GSE1: variants seen among roughly 807,000 people sequenced by gnomAD.
GSE1 encodes Gse1 coiled-coil protein.
A neutral mutation model predicts 112.6 loss-of-function variants in GSE1; 32 were observed. The observed-to-expected ratio is 0.28, with a 90% CI of 0.21 to 0.38. GSE1 has a LOEUF of 0.38. GSE1 is among the 10% of genes least tolerant of loss of function. The pLI is 1.00. For synonymous variants in GSE1, 1,115 were observed against 735.6 expected, an observed-to-expected ratio of 1.52 and a Z score of -8.35; for missense variants, 2,348 against 1,699.2, an observed-to-expected ratio of 1.38 and a Z score of -6.71.
intron 1 of GSE1, among the ~76,000 whole-genome samples, chr16:85,589,396 G>A (rs1464919299): frequency 1.3e-5 from 2 of 152,172 alleles, no homozygotes; most frequent in Admixed American, 1.3e-4. Flanking sequence ...TGGGTGGGCA[G>A]GGCCTGGGCT....
At chr16:85,650,382 C>A (rs1225765394) in intron 3 of GSE1, among the ~76,000 whole-genome samples, 3 of 152,182 alleles carry the variant, frequency 2.0e-5, no homozygotes, top group East Asian at 3.9e-4. Flanking sequence ...GGTGCCAGCG[C>A]CCGCAGCTCA....
chr16:85,380,765 C>T (rs933068677), intron 2 of GSE1, among the ~76,000 whole-genome samples: 1 of 152,150 alleles, frequency 6.6e-6, no homozygotes, highest in Admixed American at 6.5e-5. Context: ...CATCATCCAG[C>T]CTCGCAAACA....
chr16:85,278,941 GCAGCC>G (rs2044773708), intron 1 of GSE1: 1 of 157,404 alleles, frequency 6.4e-6, no homozygotes, highest in South Asian at 1.9e-4. Context: ...ACAGAGAGCT[GCAGCC>G]CCCAGAGAGA....
chr16:85,314,991 A>C (rs868330367), intron 1 of GSE1, among the ~76,000 whole-genome samples: 1 of 152,224 alleles, frequency 6.6e-6, no homozygotes, highest in Non-Finnish European at 1.5e-5. Flanking sequence ...AAAACTGGTT[A>C]GTGTTTGCAA....
At chr16:85,364,499 A>G (rs949244090) in intron 2 of GSE1, among the ~76,000 whole-genome samples, 1 of 152,210 alleles carries the variant, frequency 6.6e-6, no homozygotes, top group South Asian at 2.1e-4. Context: ...AGTCAGCTGC[A>G]TTAGTCAGGG....
intron 1 of GSE1, among the ~76,000 whole-genome samples, chr16:85,622,394 T>C (rs959398346): frequency 1.3e-5 from 2 of 152,180 alleles, no homozygotes; most frequent in African/African-American, 2.4e-5. Flanking sequence ...TTCCACCCTG[T>C]ATTTCCTCTG....
At chr16:85,664,910 C>A (rs140022682) in intron 11 of GSE1, 105 bp from the exon 12 acceptor site, 1 of 759,346 alleles carries the variant, frequency 1.3e-6, no homozygotes, top group Non-Finnish European at 2.3e-6. Context: ...GTTTTTCGGG[C>A]TTTAGTGCTT....
intron 2 of GSE1, among the ~76,000 whole-genome samples, chr16:85,445,454 T>A (rs925123434): frequency 1.3e-5 from 2 of 152,114 alleles, no homozygotes; most frequent in Non-Finnish European, 2.9e-5. Context: ...GGGCGGCCAG[T>A]CCCCAGACCC....
At chr16:85,170,299 G>T (rs547245003) in exon 1 of GSE1, 15 of 985,730 alleles carry the variant, frequency 1.5e-5, no homozygotes, top group South Asian at 9.4e-5. Context: ...GCGGAAGGGG[G>T]TTGGGAGGCA....
Position 85,373,014 on chromosome 16 carries a change from G to A in GSE1, c.2464+15371G>A, listed in dbSNP as rs1417086639. Among the ~76,000 whole-genome samples, 1 of 152,252 alleles carries A rather than the reference G, an allele frequency of 6.6e-6. No individual in the cohort carries two copies. The highest frequency in any genetic ancestry group is 2.4e-5 in the African/African-American group (1 of 41,470). ...TACAGGAAGTCCACCGGTTAGGAAAGTGTTCTCTAAACTGTGAGACATGCA... is the reference window on the plus strand; with the variant it reads ...TACAGGAAGTCCACCGGTTAGGAAAATGTTCTCTAAACTGTGAGACATGCA... On this transcript the variant is annotated intron_variant, in intron 2 of 2. Coordinates refer to the GSE1 transcript ENST00000637419. This position sits in a 1 kb window ranked among gnomAD's most constrained non-coding sequence, Gnocchi z 5.1.
At chr16:85,180,369 A>G (rs2074557431) in intron 1 of GSE1, among the ~76,000 whole-genome samples, 1 of 152,304 alleles carries the variant, frequency 6.6e-6, no homozygotes, top group South Asian at 2.1e-4. Flanking sequence ...AAGGTCACCC[A>G]CCGAGGCCAC....
intron 2 of GSE1, among the ~76,000 whole-genome samples, chr16:85,398,159 A>C (rs1470333564): frequency 6.6e-6 from 1 of 152,178 alleles, no homozygotes; most frequent in Non-Finnish European, 1.5e-5. Context: ...CAGTTTCCTC[A>C]TCTGCAAAAT....
intron 1 of GSE1, among the ~76,000 whole-genome samples, chr16:85,187,391 G>A (rs1474390802): frequency 1.3e-5 from 2 of 152,368 alleles, no homozygotes; most frequent in Middle Eastern, 3.4e-3. Context: ...GGGGAGCACC[G>A]GGGCCCCCGC....
intron 2 of GSE1, among the ~76,000 whole-genome samples, chr16:85,379,401 T>C (rs1299587545): frequency 6.6e-6 from 1 of 152,144 alleles, no homozygotes; most frequent in Non-Finnish European, 1.5e-5. Flanking sequence ...TTGTCAGATG[T>C]AGAAGGGAGA....
intron 2 of GSE1, among the ~76,000 whole-genome samples, chr16:85,453,070 T>A (rs1475145284): frequency 6.6e-6 from 1 of 152,194 alleles, no homozygotes; most frequent in Non-Finnish European, 1.5e-5. Context: ...TGATCTTGGA[T>A]AGATGAGTCA....
chr16:85,234,842 G>A (rs915156304), intron 1 of GSE1, among the ~76,000 whole-genome samples: 3 of 152,166 alleles, frequency 2.0e-5, no homozygotes, highest in African/African-American at 7.2e-5. Flanking sequence ...CAGCGAATAC[G>A]GCCCAGCTGG....
chr16:85,522,148 T>G (rs2052206556), intron 2 of GSE1, among the ~76,000 whole-genome samples: 1 of 152,156 alleles, frequency 6.6e-6, no homozygotes, highest in African/African-American at 2.4e-5. Context: ...CAACCAGCCT[T>G]AATGGATGCC....
rs150230085 is a variant in GSE1 at position 85,498,338 on chromosome 16, C to T, written c.2465-135576C>T. 2.1e-3 allele frequency among the ~76,000 whole-genome samples: 322 copies of T among 152,178 alleles called. 1 individual carries two copies. The highest frequency in any genetic ancestry group is 7.3e-3 in the African/African-American group (301 of 41,482). ...ATACATCCAGACACACAGACACACA[C>T]GGACACACAGATACCCACACATACA... On this transcript the variant is annotated intron_variant, in intron 2 of 2. Coordinates refer to the GSE1 transcript ENST00000637419.
intron 1 of GSE1, among the ~76,000 whole-genome samples, chr16:85,583,804 C>T (rs971685576): frequency 2.0e-5 from 3 of 152,194 alleles, no homozygotes; most frequent in African/African-American, 7.2e-5. Flanking sequence ...GAGGCCTGAC[C>T]CAGAAAAGGC....
Sources: gnomAD v4.1 joint callset for allele counts (sites outside exome capture counted in the v4.1 genomes callset) on GRCh38, gnomAD v4.1.1 for gene constraint, Gnocchi (gnomAD v3.1) non-coding constraint, MANE v1.5 for transcripts, NCBI Gene and HGNC (gene_info 2026-07-23, HGNC 2026-07-21) for gene names.